PTPRO: variants seen among roughly 807,000 people sequenced by gnomAD.
PTPRO encodes the protein receptor-type tyrosine-protein phosphatase O.
PTPRO carries 62 observed loss-of-function variants against 145.2 expected under a neutral mutation model. The ratio of observed to expected loss-of-function variants is 0.43; its 90% confidence interval spans 0.35 to 0.53. PTPRO has a LOEUF of 0.53. PTPRO is among the 20% of genes least tolerant of loss of function. The pLI is 0.01. For missense variants in PTPRO, 1,345 were observed against 1,482.7 expected, an observed-to-expected ratio of 0.91 and a Z score of 1.53; for synonymous variants, 565 against 514.7, an observed-to-expected ratio of 1.10 and a Z score of -1.32.
At chr12:15,490,261 A>G (rs537438977) in intron 2 of PTPRO, among the ~76,000 whole-genome samples, 9 of 152,310 alleles carry the variant, frequency 5.9e-5, no homozygotes, top group African/African-American at 2.2e-4. Context: ...TCTAAATCTT[A>G]GTTTTCAAAT....
At chr12:15,377,668 C>G (rs1938727941) in intron 1 of PTPRO, among the ~76,000 whole-genome samples, 1 of 152,044 alleles carries the variant, frequency 6.6e-6, no homozygotes, top group South Asian at 2.1e-4. Context: ...ATAAGATACT[C>G]CATTCAATGA....
chr12:15,335,097 C>CT (rs1185840348), intron 1 of PTPRO, among the ~76,000 whole-genome samples: 3 of 152,044 alleles, frequency 2.0e-5, no homozygotes, highest in Admixed American at 6.5e-5. Context: ...GTGCTGATAA[C>CT]TAAAGTGTAA....
chr12:15,548,415 G>T (rs1943356440), intron 13 of PTPRO, among the ~76,000 whole-genome samples: 1 of 152,092 alleles, frequency 6.6e-6, no homozygotes, highest in South Asian at 2.1e-4. Context: ...TGACTCAGCA[G>T]TTCAAAGAAT....
intron 1 of PTPRO, among the ~76,000 whole-genome samples, chr12:15,421,160 A>G (rs1204303388): frequency 6.6e-6 from 1 of 152,196 alleles, no homozygotes. Context: ...TTCTCTAAAC[A>G]ATGATGACTT....
intron 2 of PTPRO, among the ~76,000 whole-genome samples, chr12:15,496,147 T>TTTTTTTTTTTTTTTTTA: frequency 7.5e-6 from 1 of 133,472 alleles, no homozygotes; most frequent in Non-Finnish European, 1.6e-5. Context: ...TTTTTGTTTT[T>TTTTTTTTTTTTTTTTTA]TTTTTTTTTT....
intron 25 of PTPRO, among the ~76,000 whole-genome samples, chr12:15,590,512 T>A (rs2135672827): frequency 6.6e-6 from 1 of 152,282 alleles, no homozygotes; most frequent in South Asian, 2.1e-4. Context: ...CTCATGCTTT[T>A]CCTACCCAGC....
At chr12:15,366,062 A>G (rs1938350622) in intron 1 of PTPRO, among the ~76,000 whole-genome samples, 1 of 152,192 alleles carries the variant, frequency 6.6e-6, no homozygotes, top group African/African-American at 2.4e-5. Flanking sequence ...GCCAGGTGCA[A>G]TATAACACAA....
chr12:15,384,321 T>C (rs1023900929), intron 1 of PTPRO, among the ~76,000 whole-genome samples: 3 of 152,200 alleles, frequency 2.0e-5, no homozygotes, highest in African/African-American at 4.8e-5. Flanking sequence ...TATTACAATT[T>C]TGTTAATTAG....
At position 15,337,344 on chromosome 12, in the gene PTPRO, A is replaced by G. The variant is rs188449204; in HGVS notation, c.75+14543A>G. ...ATACTTGGGATCCTTATGTAAACTG[A>G]ATCAGAGTGATTATGTAATTTATCA... On this transcript the variant is annotated intron_variant, in intron 1 of 26. Transcript: ENST00000281171. The G allele has an allele frequency of 1.6e-3, 248 of 152,320 alleles. 1 individual carries two copies. Among genetic ancestry groups the G allele is most frequent in the African/African-American group, 4.4e-3 (185 of 41,580 alleles). 9.4% of individuals were successfully genotyped at this position (152,320 alleles called of 1,614,324 possible).
intron 1 of PTPRO, among the ~76,000 whole-genome samples, chr12:15,459,328 T>C (rs1941250660): frequency 6.6e-6 from 1 of 151,954 alleles, no homozygotes; most frequent in Admixed American, 6.6e-5. Context: ...GTCTGGAAAA[T>C]TGCTGAGTCT....
intron 11 of PTPRO, among the ~76,000 whole-genome samples, 178 bp from the exon 12 acceptor site, chr12:15,525,964 G>C (rs1942828657): frequency 6.6e-6 from 1 of 152,040 alleles, no homozygotes; most frequent in African/African-American, 2.4e-5. Context: ...CTCACATTGG[G>C]CCCAGCTGAG....
chr12:15,523,732 G>A (rs1343068755), intron 10 of PTPRO, among the ~76,000 whole-genome samples: 2 of 151,570 alleles, frequency 1.3e-5, no homozygotes, highest in East Asian at 1.9e-4. Context: ...CTGAGATTGC[G>A]CCACTGCACT....
chr12:15,397,819 CTT>C (rs981387206), intron 1 of PTPRO, among the ~76,000 whole-genome samples: 11 of 152,172 alleles, frequency 7.2e-5, no homozygotes, highest in African/African-American at 2.7e-4. Context: ...TCTGAATACT[CTT>C]TGACCAACAT....
chr12:15,513,160 A>G (rs866742280), intron 7 of PTPRO, among the ~76,000 whole-genome samples: 3 of 26,386 alleles, frequency 1.1e-4, no homozygotes, highest in Admixed American at 1.1e-3. Context: ...AGAAAGAAAA[A>G]GAAAGAAAGA....
At chr12:15,424,874 G>A (rs993134290) in intron 1 of PTPRO, among the ~76,000 whole-genome samples, 14 of 152,122 alleles carry the variant, frequency 9.2e-5, no homozygotes, top group Non-Finnish European at 1.9e-4. Context: ...AACTGTGCAG[G>A]TCGTGAAGTC....
chr12:15,591,286 GC>G (rs1944546287), intron 25 of PTPRO, among the ~76,000 whole-genome samples: 1 of 152,070 alleles, frequency 6.6e-6, no homozygotes, highest in Non-Finnish European at 1.5e-5. Context: ...CAAGAGAGTT[GC>G]TTGAACCCAG....
At chr12:15,537,903 G>A (rs577186366) in intron 12 of PTPRO, among the ~76,000 whole-genome samples, 41 of 152,264 alleles carry the variant, frequency 2.7e-4, no homozygotes, top group African/African-American at 9.4e-4. Flanking sequence ...GCATTAATGG[G>A]ATAGTGAGCA....
chr12:15,504,627 G>A lies in PTPRO; in HGVS notation c.1267+558G>A, dbSNP rs191822335. Among the ~76,000 whole-genome samples the A allele has an allele frequency of 3.9e-5, 6 of 152,082 alleles. No individual in the cohort carries two copies. In the East Asian group the frequency reaches 1.2e-3, roughly 29 times the overall value. On this transcript the variant is annotated intron_variant, in intron 6 of 26. Coordinates refer to ENST00000281171, the MANE Select transcript of PTPRO (RefSeq NM_030667.3). ...GGACAGCAAAAGCTAGCCTCTGAAG[G>A]TTGCACAAACAGTGCCTGCCTCTAT...
chr12:15,393,757 T>A (rs757255083), intron 1 of PTPRO, among the ~76,000 whole-genome samples: 4 of 152,184 alleles, frequency 2.6e-5, no homozygotes, highest in Non-Finnish European at 5.9e-5. Flanking sequence ...TATGTCACTG[T>A]CTTAGTCAGC....
Sources: gnomAD v4.1 joint callset for allele counts (sites outside exome capture counted in the v4.1 genomes callset) on GRCh38, gnomAD v4.1.1 for gene constraint, MANE v1.5 for transcripts, NCBI Gene and HGNC (gene_info 2026-07-23, HGNC 2026-07-21) for gene names.